CMC1: variants seen among roughly 807,000 people sequenced by gnomAD.
CMC1 encodes the protein C-X9-C motif containing 1.
A neutral mutation model predicts 14.1 loss-of-function variants in CMC1; 14 were observed. That is an observed-to-expected ratio of 0.99 (90% confidence interval 0.66 to 1.55). The LOEUF is 1.55. Ranked by LOEUF, CMC1 falls within the 40% of genes most tolerant of loss-of-function variation. CMC1 has a pLI of 0.00. For synonymous variants in CMC1, 50 were observed against 38.4 expected, an observed-to-expected ratio of 1.30 and a Z score of -1.12; for missense variants, 127 against 123.8, an observed-to-expected ratio of 1.03 and a Z score of -0.12.
intron 2 of CMC1, among the ~76,000 whole-genome samples, chr3:28,271,048 A>T (rs1178961221): frequency 6.0e-5 from 9 of 150,020 alleles, no homozygotes; most frequent in African/African-American, 2.2e-4. Context: ...CTCCTGCCTC[A>T]GCCTCCTGAG....
At chr3:28,255,237 TCC>T (rs1699329750) in intron 1 of CMC1, among the ~76,000 whole-genome samples, 2 of 145,762 alleles carry the variant, frequency 1.4e-5, no homozygotes, top group Non-Finnish European at 3.0e-5. Flanking sequence ...TTGTTTTGTT[TCC>T]TCTTTTTTTT....
chr3:28,250,531 A>C (rs915053929), intron 1 of CMC1, among the ~76,000 whole-genome samples: 18 of 152,336 alleles, frequency 1.2e-4, no homozygotes, highest in African/African-American at 3.8e-4. Flanking sequence ...TTTGTAAACC[A>C]GTTCCATCCA....
intron 2 of CMC1, among the ~76,000 whole-genome samples, chr3:28,276,975 T>C (rs1700619090): frequency 6.6e-6 from 1 of 152,214 alleles, no homozygotes; most frequent in African/African-American, 2.4e-5. Flanking sequence ...AGCCAGCACA[T>C]GACAGCAATG....
chr3:28,274,938 A>G (rs1209457952), intron 2 of CMC1, among the ~76,000 whole-genome samples: 1 of 151,914 alleles, frequency 6.6e-6, no homozygotes, highest in Admixed American at 6.6e-5. Context: ...TTTCAGCTCC[A>G]TCAGGTCCTT....
intron 2 of CMC1, among the ~76,000 whole-genome samples, chr3:28,284,944 C>T (rs950399969): frequency 6.6e-5 from 10 of 152,200 alleles, no homozygotes; most frequent in African/African-American, 2.4e-4. Context: ...TGGCTGCTTC[C>T]TTTACTAACC....
In CMC1 at chr3:28,319,874, A is replaced by G. The variant is rs773301439; in HGVS notation, c.*245A>G. Reference sequence around the variant, plus strand: ...AAAGTTTTCCCACAACTATAGTTCTATAACAGTGATACTGATTTTTTAGAG... The same window carrying G: ...AAAGTTTTCCCACAACTATAGTTCTGTAACAGTGATACTGATTTTTTAGAG... On this transcript the variant is annotated 3_prime_UTR_variant, in exon 4 of 4. Transcript: ENST00000466830. The G allele has an allele frequency of 7.9e-5, 23 of 291,018 alleles. No homozygotes were observed. Among genetic ancestry groups the G allele is most frequent in the East Asian group, 4.1e-4 (6 of 14,480 alleles). 18.0% of individuals were successfully genotyped at this position (291,018 alleles called of 1,614,324 possible). A position where few individuals can be genotyped will look rare whatever the true frequency, so the allele number is the denominator to read the frequency against.
chr3:28,268,298 A>G (rs777844602), intron 2 of CMC1, among the ~76,000 whole-genome samples: 20 of 152,328 alleles, frequency 1.3e-4, no homozygotes, highest in Non-Finnish European at 1.3e-4. Flanking sequence ...GGGAAAAGGC[A>G]TATGGGAAAG....
At chr3:28,256,237 C>G (rs1381748562) in intron 1 of CMC1, among the ~76,000 whole-genome samples, 7 of 151,432 alleles carry the variant, frequency 4.6e-5, no homozygotes, top group Admixed American at 4.0e-4. Context: ...GTCAAGAGAT[C>G]TTGCAAGAAA....
chr3:28,248,467 AAG>A (rs1698941994), intron 1 of CMC1, among the ~76,000 whole-genome samples: 1 of 152,192 alleles, frequency 6.6e-6, no homozygotes, highest in African/African-American at 2.4e-5. Context: ...GAAGTAGGGA[AAG>A]AGATGTATCA....
intron 1 of CMC1, among the ~76,000 whole-genome samples, chr3:28,255,417 T>C (rs972009352): frequency 6.6e-6 from 1 of 151,438 alleles, no homozygotes; most frequent in Non-Finnish European, 1.5e-5. Flanking sequence ...ATTTTTGTAG[T>C]TTTTTTTCAC....
chr3:28,308,853 C>G (rs541162337), intron 2 of CMC1, among the ~76,000 whole-genome samples: 7 of 152,156 alleles, frequency 4.6e-5, no homozygotes, highest in Admixed American at 1.3e-4. Flanking sequence ...TGTGGTGGCG[C>G]ATGCCTGTAG....
intron 1 of CMC1, among the ~76,000 whole-genome samples, chr3:28,259,190 G>C (rs1249167796): frequency 1.3e-5 from 2 of 151,538 alleles, no homozygotes; most frequent in African/African-American, 4.8e-5. Flanking sequence ...AAATCATGCA[G>C]TTTCCATGTA....
intron 2 of CMC1, among the ~76,000 whole-genome samples, chr3:28,291,586 G>A (rs1183540866): frequency 2.0e-5 from 3 of 152,022 alleles, no homozygotes; most frequent in Non-Finnish European, 2.9e-5. Context: ...TTTTTATTAA[G>A]TTCTAATAGA....
chr3:28,274,212 G>GTGTT (rs1700446819), intron 2 of CMC1, among the ~76,000 whole-genome samples: 1 of 88,200 alleles, frequency 1.1e-5, no homozygotes. Flanking sequence ...AAGTGTTTTT[G>GTGTT]TTTTTTTCTT....
rs554070310 is a variant in CMC1, at chr3:28,253,727, A to G, written c.20-9564A>G. ...TACAAGCATTTTTCATGTTTTTCCT[A>G]CAGAGTAAACAGTAGCACCAAACTG... On this transcript the variant is annotated intron_variant, in intron 1 of 3. Transcript: ENST00000466830. 1.1e-4 allele frequency: 143 copies of G among 1,282,808 alleles called. No individual in the cohort carries two copies. In the African/African-American group the frequency reaches 2.0e-3, roughly 18 times the overall value. 79.5% of individuals were successfully genotyped at this position (1,282,808 alleles called of 1,614,324 possible). A position where few individuals can be genotyped will look rare whatever the true frequency, so the allele number is the denominator to read the frequency against.
chr3:28,311,081 A>C (rs950319282), intron 2 of CMC1, among the ~76,000 whole-genome samples: 9 of 152,194 alleles, frequency 5.9e-5, no homozygotes, highest in Non-Finnish European at 1.0e-4. Context: ...CCCTGTTGTA[A>C]AAGATGTTTA....
chr3:28,321,393 C>G lies in CMC1; in HGVS notation c.*1764C>G, dbSNP rs748542368. On this transcript the variant is annotated 3_prime_UTR_variant, in exon 4 of 4. Transcript: ENST00000466830. ...TTCATGTAGAAAATTCACTTATGTA[C>G]ATGTTGCTTTCCCCATAGAAGCCAG... is the stretch of plus-strand genomic sequence containing the variant. 3.3e-5 allele frequency: 5 copies of G among 151,390 alleles called. No individual in the cohort carries two copies. Among genetic ancestry groups the G allele is most frequent in the South Asian group, 2.1e-4 (1 of 4,830 alleles). 9.4% of individuals were successfully genotyped at this position (151,390 alleles called of 1,614,324 possible).
rs1265139321 is a variant in CMC1 at position 28,274,206 on chromosome 3, G to GTTTTTTTTTTTTTTTTTTTTTTTTTT, written c.109+10831_109+10832insTTTTTTTTTTTTTTTTTTTTTTTTTT. Among the ~76,000 whole-genome samples, 50 of 83,052 alleles carry GTTTTTTTTTTTTTTTTTTTTTTTTTT rather than the reference G, an allele frequency of 6.0e-4. 6 individuals are homozygous for GTTTTTTTTTTTTTTTTTTTTTTTTTT. Among genetic ancestry groups the GTTTTTTTTTTTTTTTTTTTTTTTTTT allele is most frequent in the East Asian group, 2.7e-3 (6 of 2,248 alleles). The allele number at this position is 83,052 out of a possible 152,430, so 54.5% of individuals were successfully genotyped here. A position where few individuals can be genotyped will look rare whatever the true frequency, so the allele number is the denominator to read the frequency against. ...GTGTCATTGGTCTTTGTACTAAAGT[G>GTTTTTTTTTTTTTTTTTTTTTTTTTT]TTTTTGTTTTTTTCTTTTTTTTTTT... On this transcript the variant is annotated intron_variant, in intron 2 of 3. Coordinates refer to ENST00000466830, the MANE Select transcript of CMC1 (RefSeq NM_182523.2).
chr3:28,319,540 A>G lies in CMC1; in HGVS notation c.232A>G (p.Lys78Glu), dbSNP rs565929945. Residue 78 changes from lysine to glutamate, a missense_variant, in exon 4 of 4, where the codon AAA becomes GAA. Transcript: ENST00000466830. ...YNDPAFYEEC[K>E]MEYLKEREEF... is the part of the protein sequence containing the mutation. ...TGATCCAGCCTTTTATGAAGAATGC[A>G]AAATGGAATACCTGAAGGAAAGGGA... 6.2e-7 allele frequency: 1 copy of G among 1,605,834 alleles called. No individual in the cohort carries two copies. The highest frequency in any genetic ancestry group is 8.5e-7 in the Non-Finnish European group (1 of 1,174,632).
Sources: gnomAD v4.1 joint callset for allele counts (sites outside exome capture counted in the v4.1 genomes callset) on GRCh38, gnomAD v4.1.1 for gene constraint, MANE v1.5 for transcripts, NCBI Gene and HGNC (gene_info 2026-07-23, HGNC 2026-07-21) for gene names.